Variants in EOGT observed in about 807,000 individuals in gnomAD.
EOGT encodes EGF domain-specific O-linked N-acetylglucosamine transferase.
A neutral mutation model predicts 70.5 loss-of-function variants in EOGT; 55 were observed. That is an observed-to-expected ratio of 0.78 (90% CI 0.63 to 0.98). The LOEUF (loss-of-function observed/expected upper bound fraction) is 0.98. Among genes scored for constraint, EOGT ranks in the 50% least tolerant of loss-of-function variants. The pLI is 0.00. For missense variants in EOGT, 703 were observed against 641.9 expected, an observed-to-expected ratio of 1.10 and a Z score of -1.03; for synonymous variants, 246 against 217.1, an observed-to-expected ratio of 1.13 and a Z score of -1.17.
At chr3:68,981,937 C>T (rs982304073) in intron 15 of EOGT, among the ~76,000 whole-genome samples, 2 of 151,368 alleles carry the variant, frequency 1.3e-5, no homozygotes, top group Admixed American at 6.6e-5. Flanking sequence ...GACAGAGCCT[C>T]GTACTGTCAC....
chr3:69,007,312 T>C (rs2091460655), intron 6 of EOGT, among the ~76,000 whole-genome samples: 1 of 152,122 alleles, frequency 6.6e-6, no homozygotes, highest in African/African-American at 2.4e-5. Context: ...TGTTTTTACA[T>C]TACAAGCTAA....
rs143145707 is a variant in EOGT, at chr3:68,979,057, T to C, written c.1334+611A>G. The stretch of plus-strand genomic sequence containing the variant: ...TCAAATCACTTTTAAAATGAAACCA[T>C]AGAACCCAGATATTTAGACATAATG... On this transcript the variant is annotated intron_variant, in intron 16 of 17. Transcript: ENST00000383701. Among the ~76,000 whole-genome samples the C allele has an allele frequency of 5.5e-3, 831 of 152,282 alleles. 6 individuals carry two copies. The highest frequency in any genetic ancestry group is 0.019 in the African/African-American group (785 of 41,564).
intron 9 of EOGT, among the ~76,000 whole-genome samples, chr3:68,999,931 G>A (rs1431782038): frequency 6.6e-6 from 1 of 152,162 alleles, no homozygotes; most frequent in Non-Finnish European, 1.5e-5. Context: ...AACATGAAAA[G>A]GAAAACTGAA....
rs1171808669 is a variant in EOGT, at chr3:68,987,412, T to C, written c.1152+33A>G. The C allele has an allele frequency of 5.7e-6, 8 of 1,393,254 alleles. No homozygotes were observed. In the Admixed American group the frequency reaches 1.0e-4, roughly 18 times the overall value. The allele number at this position is 1,393,254 out of a possible 1,614,324, so 86.3% of individuals were successfully genotyped here. A position where few individuals can be genotyped will look rare whatever the true frequency, so the allele number is the denominator to read the frequency against. On this transcript the variant is annotated intron_variant, in intron 14 of 17. Coordinates refer to ENST00000383701, the MANE Select transcript of EOGT (RefSeq NM_001278689.2). ...CACAATTTGCTCTATGAATTGAATA[T>C]GAAGGCATTAAAAATGCATACCAAA... is the stretch of plus-strand genomic sequence containing the variant.
chr3:68,983,762 G>A (rs1349499904), intron 14 of EOGT, among the ~76,000 whole-genome samples: 1 of 152,160 alleles, frequency 6.6e-6, no homozygotes, highest in African/African-American at 2.4e-5. Context: ...TCAGGAGTTC[G>A]AGACCAACCT....
rs756636950 is a variant in EOGT at position 69,005,196 on chromosome 3, G to A, written c.459C>T (p.Tyr153=). 2 of 1,605,926 alleles carry A rather than the reference G, an allele frequency of 1.2e-6. No homozygotes were observed. Among genetic ancestry groups the A allele is most frequent in the Non-Finnish European group, 1.7e-6 (2 of 1,173,424 alleles). The change falls in exon 7 of 18, where the codon TAC becomes TAT. Residue 153 remains tyrosine, a synonymous_variant. Transcript: ENST00000383701. The part of the protein sequence containing the change: ...SSLVCSRYLQ[Y]CRATNLYLDL... ...CAAGATAGAGATTGGTTGCTCTGCAGTACTGAAGATAACGGGAACACACCA... is the reference window on the plus strand; with the variant it reads ...CAAGATAGAGATTGGTTGCTCTGCAATACTGAAGATAACGGGAACACACCA...
chr3:68,975,796 A>G lies in EOGT; in HGVS notation c.*1822T>C, dbSNP rs2090457811. The G allele has an allele frequency of 6.6e-6, 1 of 152,192 alleles. No individual in the cohort carries two copies. The highest frequency in any genetic ancestry group is 1.5e-5 in the Non-Finnish European group (1 of 68,030). 9.4% of individuals were successfully genotyped at this position (152,192 alleles called of 1,614,324 possible). ...ATTTTAATAAATATTCCTCAATTCT[A>G]GAAGACTGTTCCAATCCTTTAAAGT... is the stretch of plus-strand genomic sequence containing the variant. On this transcript the variant is annotated 3_prime_UTR_variant, in exon 18 of 18. Transcript: ENST00000383701.
chr3:69,006,059 T>C (rs1171063663), intron 6 of EOGT, among the ~76,000 whole-genome samples: 1 of 152,214 alleles, frequency 6.6e-6, no homozygotes, highest in Non-Finnish European at 1.5e-5. Context: ...ACCCAGTCTA[T>C]GGTATTTTGT....
chr3:68,983,775 C>G (rs1396844137), intron 14 of EOGT, among the ~76,000 whole-genome samples: 1 of 152,172 alleles, frequency 6.6e-6, no homozygotes. Flanking sequence ...ACCAACCTGA[C>G]CAACATGGTG....
intron 6 of EOGT, 107 bp from the exon 7 acceptor site, chr3:69,005,341 A>C: frequency 1.8e-6 from 1 of 562,358 alleles, no homozygotes; most frequent in Admixed American, 3.0e-5. Flanking sequence ...CATTCAAACC[A>C]CACAACATGA....
chr3:68,983,761 C>T (rs1474318025), intron 14 of EOGT, among the ~76,000 whole-genome samples: 4 of 152,120 alleles, frequency 2.6e-5, no homozygotes. Context: ...GTCAGGAGTT[C>T]GAGACCAACC....
rs755741668 is a variant in EOGT at position 68,977,612 on chromosome 3, G to A, written c.*6C>T. 13 of 1,613,542 alleles carry A rather than the reference G, an allele frequency of 8.1e-6. No homozygotes were observed. The highest frequency in any genetic ancestry group is 8.5e-6 in the Non-Finnish European group (10 of 1,179,772). On this transcript the variant is annotated 3_prime_UTR_variant, in exon 18 of 18. Coordinates refer to ENST00000383701, the MANE Select transcript of EOGT (RefSeq NM_001278689.2). ...CACTCTCTTTTTGCAAACAGACTCA[G>A]CATATTTATAGCTCATCATGTTTCT...
At chr3:69,005,415 G>C (rs1048422196) in intron 6 of EOGT, among the ~76,000 whole-genome samples, 181 bp from the exon 7 acceptor site, 3 of 152,108 alleles carry the variant, frequency 2.0e-5, no homozygotes, top group Non-Finnish European at 2.9e-5. Context: ...GCAGACCCTG[G>C]CCAAGCATAC....
intron 1 of EOGT, among the ~76,000 whole-genome samples, 191 bp from the exon 2 acceptor site, chr3:69,012,990 C>G (rs1042628198): frequency 1.5e-4 from 23 of 152,220 alleles, no homozygotes; most frequent in African/African-American, 5.3e-4. Context: ...CTGGCCCCTA[C>G]TTGTGCCAAA....
At chr3:69,007,391 G>A (rs1404878422) in intron 6 of EOGT, among the ~76,000 whole-genome samples, 1 of 151,940 alleles carries the variant, frequency 6.6e-6, no homozygotes, top group Non-Finnish European at 1.5e-5. Flanking sequence ...AGTGGCTCAC[G>A]CCTGTAATCC....
intron 10 of EOGT, among the ~76,000 whole-genome samples, chr3:68,997,336 C>A (rs544219758): frequency 6.6e-6 from 1 of 151,766 alleles, no homozygotes; most frequent in South Asian, 2.1e-4. Context: ...GCAAGCACTT[C>A]CAACATAGGT....
chr3:68,989,403 GT>G (rs2090913352), intron 10 of EOGT, among the ~76,000 whole-genome samples: 4 of 85,274 alleles, frequency 4.7e-5, no homozygotes. Flanking sequence ...AACCATCAGG[GT>G]GAATGAAAAA....
At position 68,979,803 on chromosome 3, in the gene EOGT, A is replaced by G. The variant is rs1367635078; in HGVS notation, c.1215-16T>C. On this transcript the variant is annotated splice_polypyrimidine_tract_variant and intron_variant, in intron 15 of 17. Transcript: ENST00000383701. ...CCCAAGTTCTCTGTGAACATACAGAATAACATGAGAGAGATGGGGAGAAGA... is the reference window on the plus strand; with the variant it reads ...CCCAAGTTCTCTGTGAACATACAGAGTAACATGAGAGAGATGGGGAGAAGA... 3.1e-6 allele frequency: 5 copies of G among 1,611,576 alleles called. No individual in the cohort carries two copies. The highest frequency in any genetic ancestry group is 4.2e-6 in the Non-Finnish European group (5 of 1,178,064).
At position 68,988,953 on chromosome 3, in the gene EOGT, A is replaced by T; in HGVS notation, c.896T>A (p.Ile299Lys). 6.5e-7 allele frequency: 1 copy of T among 1,530,172 alleles called. No homozygotes were observed. The highest frequency in any genetic ancestry group is 8.7e-7 in the Non-Finnish European group (1 of 1,143,594). 94.8% of individuals were successfully genotyped at this position (1,530,172 alleles called of 1,614,324 possible). A position where few individuals can be genotyped will look rare whatever the true frequency, so the allele number is the denominator to read the frequency against. Residue 299 changes from isoleucine (I) to lysine (K), a missense_variant, in exon 11 of 18, where the codon ATA (isoleucine) becomes AAA (lysine). Coordinates refer to ENST00000383701, the MANE Select transcript of EOGT (RefSeq NM_001278689.2). ...TTTGGAATCATAAGTTTTCAAATGT[A>T]TAACGTCATAATCAGTAAATGCATT... Reference protein sequence around the residue: ...TWNAFTDYDVIHLKTYDSKRV... With the variant: ...TWNAFTDYDVKHLKTYDSKRV...
Sources: allele counts gnomAD v4.1 joint callset (sites outside exome capture counted in the v4.1 genomes callset), GRCh38; gene constraint gnomAD v4.1.1; transcripts MANE v1.5; gene names NCBI Gene and HGNC (gene_info 2026-07-23, HGNC 2026-07-21).